NEK11: variants seen among roughly 807,000 people sequenced by gnomAD.
The protein encoded by NEK11 is NIMA related kinase 11.
NEK11 carries 72 observed loss-of-function variants against 80.7 expected under a neutral mutation model. The ratio of observed to expected loss-of-function variants is 0.89; its 90% CI spans 0.74 to 1.08. The LOEUF (loss-of-function observed/expected upper bound fraction) is 1.08, where lower values mean the gene tolerates loss of function less well. NEK11 is among the 50% of genes least tolerant of loss of function. The probability of loss-of-function intolerance (pLI) is 0.00; values close to 1 mark genes in which losing one functional copy is unlikely to be tolerated. For missense variants in NEK11, 764 were observed against 763.6 expected, an observed-to-expected ratio of 1.00 and a Z score of -0.01; for synonymous variants, 251 against 260.7, an observed-to-expected ratio of 0.96 and a Z score of 0.36.
chr3:131,085,238 C>A (rs2075818057), intron 4 of NEK11, among the ~76,000 whole-genome samples: 1 of 152,194 alleles, frequency 6.6e-6, no homozygotes, highest in African/African-American at 2.4e-5. Flanking sequence ...AGTTTTAGCT[C>A]TCATTGTGTA....
intron 17 of NEK11, among the ~76,000 whole-genome samples, chr3:131,282,076 T>C (rs956990394): frequency 6.6e-6 from 1 of 152,068 alleles, no homozygotes; most frequent in Admixed American, 6.5e-5. Context: ...ATGGTGTTGC[T>C]TGCAAAGATT....
chr3:131,251,774 T>C (rs1691250541), intron 16 of NEK11, among the ~76,000 whole-genome samples: 1 of 152,048 alleles, frequency 6.6e-6, no homozygotes, highest in Non-Finnish European at 1.5e-5. Context: ...TGACCTCTTA[T>C]TGTGTGTGAC....
At chr3:131,142,898 G>T (rs1195023017) in intron 7 of NEK11, among the ~76,000 whole-genome samples, 1 of 152,084 alleles carries the variant, frequency 6.6e-6, no homozygotes, top group East Asian at 1.9e-4. Flanking sequence ...GCTCAGTTGT[G>T]GAGGAAAGTA....
intron 14 of NEK11, among the ~76,000 whole-genome samples, chr3:131,214,505 A>G (rs1219946637): frequency 6.6e-6 from 1 of 152,342 alleles, no homozygotes; most frequent in East Asian, 1.9e-4. Context: ...GGGAGAAAAG[A>G]CAAATGTTAC....
At chr3:131,107,593 C>T (rs1165363395) in intron 4 of NEK11, among the ~76,000 whole-genome samples, 1 of 152,200 alleles carries the variant, frequency 6.6e-6, no homozygotes, top group East Asian at 1.9e-4. Flanking sequence ...AGAATCCTCG[C>T]ATACTCAAGT....
At chr3:131,111,124 A>G (rs575355116) in intron 5 of NEK11, among the ~76,000 whole-genome samples, 50 of 152,312 alleles carry the variant, frequency 3.3e-4, no homozygotes, top group African/African-American at 1.2e-3. Flanking sequence ...GATGCTAACT[A>G]TGGTATTCTA....
At chr3:131,246,699 A>T (rs913249985) in intron 16 of NEK11, among the ~76,000 whole-genome samples, 1 of 152,146 alleles carries the variant, frequency 6.6e-6, no homozygotes. Flanking sequence ...ACTGTTTTCC[A>T]TAGTGGTTGT....
chr3:131,270,559 C>G (rs754079246), intron 16 of NEK11, among the ~76,000 whole-genome samples: 3 of 152,172 alleles, frequency 2.0e-5, no homozygotes, highest in Admixed American at 6.5e-5. Flanking sequence ...ATGAATTGTC[C>G]TTTTCTTTGA....
chr3:131,198,056 G>A (rs191198077), intron 14 of NEK11, among the ~76,000 whole-genome samples: 170 of 152,274 alleles, frequency 1.1e-3, no homozygotes, highest in Non-Finnish European at 7.5e-4. Context: ...CATGGGCATG[G>A]AGGACTAGGT....
chr3:131,140,048 CTTCTCACATGTTCTT>C (rs1413515214), intron 7 of NEK11, among the ~76,000 whole-genome samples: 1 of 152,200 alleles, frequency 6.6e-6, no homozygotes, highest in Non-Finnish European at 1.5e-5. Flanking sequence ...TAACATATCA[CTTCTCACATGTTCTT>C]TTCTCACATG....
rs145116251 is a variant in NEK11, at chr3:131,105,513, T to A, written c.337-4290T>A. Reference sequence around the variant, plus strand: ...TAATTTATAAAGGAAAGAGGTTTAATTGACTCACAGTTCCACATGGCTGGG... The same window carrying A: ...TAATTTATAAAGGAAAGAGGTTTAAATGACTCACAGTTCCACATGGCTGGG... On this transcript the variant is annotated intron_variant, in intron 4 of 17. Transcript: ENST00000383366. Among the ~76,000 whole-genome samples the A allele has an allele frequency of 9.1e-4, 139 of 152,358 alleles. 1 individual carries two copies. The highest frequency in any genetic ancestry group is 2.5e-3 in the Admixed American group (39 of 15,306).
intron 4 of NEK11, among the ~76,000 whole-genome samples, chr3:131,101,914 G>C (rs2078420875): frequency 6.6e-6 from 1 of 152,182 alleles, no homozygotes; most frequent in African/African-American, 2.4e-5. Flanking sequence ...AGTACTAGGT[G>C]CATATATGTT....
intron 17 of NEK11, among the ~76,000 whole-genome samples, chr3:131,336,558 G>C (rs1234279208): frequency 6.6e-6 from 1 of 152,080 alleles, no homozygotes. Context: ...ATAGGCGTGG[G>C]CAAGGACTTC....
intron 17 of NEK11, chr3:131,325,720 A>G (rs992720692): frequency 5.3e-5 from 8 of 152,232 alleles, no homozygotes; most frequent in African/African-American, 1.9e-4. Context: ...CTGTCCTGCA[A>G]TTACAATGTA....
At chr3:131,330,112 G>T (rs973092202) in intron 17 of NEK11, 1 of 152,188 alleles carries the variant, frequency 6.6e-6, no homozygotes, top group Non-Finnish European at 1.5e-5. Flanking sequence ...TTTTAAAAAT[G>T]GAGCTGATAG....
At chr3:131,109,779 G>C in intron 4 of NEK11, 24 bp from the exon 5 acceptor site, 1 of 1,559,114 alleles carries the variant, frequency 6.4e-7, no homozygotes, top group Non-Finnish European at 8.6e-7. Flanking sequence ...GAAAAAATAT[G>C]AAAGATTATG....
chr3:131,313,446 A>C (rs1299357706), intron 17 of NEK11, among the ~76,000 whole-genome samples: 2 of 152,110 alleles, frequency 1.3e-5, no homozygotes, highest in Admixed American at 6.6e-5. Context: ...GCAGTGTGTA[A>C]GTGTTCTCTT....
At chr3:131,031,212 T>C (rs1419580600) in intron 3 of NEK11, among the ~76,000 whole-genome samples, 2 of 152,236 alleles carry the variant, frequency 1.3e-5, no homozygotes, top group Non-Finnish European at 2.9e-5. Flanking sequence ...GCTGTAATTA[T>C]CTAGAATTTA....
chr3:131,037,618 T>A (rs1209054253), intron 3 of NEK11, among the ~76,000 whole-genome samples: 1 of 152,244 alleles, frequency 6.6e-6, no homozygotes, highest in Admixed American at 6.5e-5. Flanking sequence ...TGGGTTTTTG[T>A]AATATTAAAA....
Sources: allele counts gnomAD v4.1 joint callset (sites outside exome capture counted in the v4.1 genomes callset), GRCh38; gene constraint gnomAD v4.1.1; transcripts MANE v1.5; gene names NCBI Gene and HGNC (gene_info 2026-07-23, HGNC 2026-07-21).